PLAC1: variants seen among roughly 807,000 people sequenced by gnomAD.
The protein encoded by PLAC1 is placenta-specific protein 1.
For synonymous variants in PLAC1, 68 were observed against 62.1 expected (o/e 1.09, Z -0.44); for missense variants, 136 against 163.2 (o/e 0.83, Z 0.91).
chrX:134,569,167 C>T (rs2077892415), intron 2 of PLAC1, among the ~76,000 whole-genome samples: 1 of 111,454 alleles, frequency 9.0e-6, no homozygotes, highest in South Asian at 3.8e-4. Context: ...CCTCAAGCAT[C>T]TTTCCTGTAC....
At position 134,632,074 on chromosome X, in the gene PLAC1, T is replaced by TC. The variant is rs753518049; in HGVS notation, c.-131+26253dup. Among the ~76,000 whole-genome samples the TC allele has an allele frequency of 1.9e-4, 21 of 111,874 alleles. No homozygotes were observed. The East Asian group carries it at 5.1e-3, about 27-fold the overall frequency. On this transcript the variant is annotated intron_variant, in intron 1 of 2. Transcript: ENST00000359237. The stretch of plus-strand genomic sequence containing the variant: ...ATTTTGGACTTCTTTGTGTGACACC[T>TC]CCAGGTGGTCAGAGCTGAGTTGAGG...
chrX:134,684,411 TAAAAAAAAAA>T (rs10606569), intron 2 of PLAC1, among the ~76,000 whole-genome samples: 1 of 80,991 alleles, frequency 1.2e-5, no homozygotes, highest in Admixed American at 1.5e-4. Context: ...GCTCTGCCAC[TAAAAAAAAAA>T]AAAAAAAAAA....
At chrX:134,629,527 C>T (rs2078250538) in intron 1 of PLAC1, among the ~76,000 whole-genome samples, 2 of 111,035 alleles carry the variant, frequency 1.8e-5, no homozygotes, top group South Asian at 3.8e-4. Context: ...TCCTGAGTGC[C>T]GCTCCCATTT....
At chrX:134,717,459 C>T (rs2078646537) in intron 2 of PLAC1, among the ~76,000 whole-genome samples, 1 of 111,396 alleles carries the variant, frequency 9.0e-6, no homozygotes, top group Non-Finnish European at 1.9e-5. Context: ...AGGTTTTCAC[C>T]ATGTTGGCCA....
chrX:134,573,114 C>G (rs1156426617), intron 2 of PLAC1, among the ~76,000 whole-genome samples: 1 of 111,613 alleles, frequency 9.0e-6, no homozygotes, highest in Non-Finnish European at 1.9e-5. Context: ...CCTGACTGAA[C>G]ATAAATATTC....
intron 1 of PLAC1, among the ~76,000 whole-genome samples, chrX:134,759,857 TA>T (rs749309844): frequency 1.2e-4 from 13 of 111,631 alleles, no homozygotes; most frequent in Admixed American, 1.9e-4. Context: ...ATGTGGGAGC[TA>T]AAAAACTTGA....
intron 2 of PLAC1, among the ~76,000 whole-genome samples, chrX:134,687,609 T>C (rs998897816): frequency 9.4e-6 from 1 of 106,701 alleles, no homozygotes; most frequent in Non-Finnish European, 1.9e-5. Flanking sequence ...GTTGCTAGGG[T>C]TGATCTGGGT....
At chrX:134,626,761 TC>T (rs1273013942) in intron 1 of PLAC1, among the ~76,000 whole-genome samples, 1 of 112,428 alleles carries the variant, frequency 8.9e-6, no homozygotes, top group Non-Finnish European at 1.9e-5. Flanking sequence ...GAGTTTACCT[TC>T]CCTTCCCTTT....
intron 2 of PLAC1, among the ~76,000 whole-genome samples, chrX:134,702,923 T>C (rs1296382798): frequency 8.9e-6 from 1 of 112,177 alleles, no homozygotes; most frequent in Non-Finnish European, 1.9e-5. Flanking sequence ...ATAAATATTC[T>C]GTAAACAGAT....
At chrX:134,704,524 A>G (rs1326522200) in intron 2 of PLAC1, among the ~76,000 whole-genome samples, 1 of 106,025 alleles carries the variant, frequency 9.4e-6, no homozygotes, top group African/African-American at 3.4e-5. Context: ...CAACAACAAA[A>G]AAAAATAAAA....
At chrX:134,707,268 A>T (rs1388511776) in intron 2 of PLAC1, among the ~76,000 whole-genome samples, 1 of 112,770 alleles carries the variant, frequency 8.9e-6, no homozygotes, top group Non-Finnish European at 1.9e-5. Context: ...ACATCCTTAG[A>T]TGCAGGAACA....
At chrX:134,580,230 A>G (rs2077967576) in intron 2 of PLAC1, among the ~76,000 whole-genome samples, 1 of 112,533 alleles carries the variant, frequency 8.9e-6, no homozygotes, top group African/African-American at 3.2e-5. Flanking sequence ...AAAACCTTTC[A>G]TCATAGGCAG....
At chrX:134,743,143 T>C (rs1446249184) in intron 1 of PLAC1, among the ~76,000 whole-genome samples, 2 of 111,161 alleles carry the variant, frequency 1.8e-5, no homozygotes, top group African/African-American at 6.5e-5. Context: ...ACCTAGAAGA[T>C]GTAACAAGAA....
At chrX:134,755,045 A>C (rs1217888698) in intron 1 of PLAC1, among the ~76,000 whole-genome samples, 1 of 111,628 alleles carries the variant, frequency 9.0e-6, no homozygotes, top group Non-Finnish European at 1.9e-5. Flanking sequence ...TATCATGTAA[A>C]TTTGCAACTT....
chrX:134,582,814 A>G (rs1218593161), intron 2 of PLAC1, among the ~76,000 whole-genome samples: 1 of 111,962 alleles, frequency 8.9e-6, no homozygotes, highest in East Asian at 2.8e-4. Flanking sequence ...ACAGAAAAAA[A>G]GGTGAGAAGA....
rs148131647 is a variant in PLAC1 at position 134,663,981 on chromosome X, G to A, written n.175-61859C>T. 5.4e-3 allele frequency among the ~76,000 whole-genome samples: 608 copies of A among 111,768 alleles called. 2 individuals carry two copies. The highest frequency in any genetic ancestry group is 0.018 in the African/African-American group (569 of 30,788). On this transcript the variant is annotated intron_variant and non_coding_transcript_variant, in intron 2 of 2. Transcript: ENST00000466797. ...CTTGGGTTCAGGATATAAAGAACAA[G>A]AGACTTTGAAGTTATATGGACCTGG...
chrX:134,612,853 TTGGTCA>T lies in PLAC1; in HGVS notation c.-130-10737_-130-10732del, dbSNP rs1216032868. ...CTGAATCCAGCCTCTAAGAGCAACC[TTGGTCA>T]AGTGCATGGACCCCCAGGGGGTCCT... is the stretch of plus-strand genomic sequence containing the variant. On this transcript the variant is annotated intron_variant, in intron 1 of 2. Coordinates refer to ENST00000359237, the MANE Select transcript of PLAC1 (RefSeq NM_021796.4). Among the ~76,000 whole-genome samples the T allele has an allele frequency of 2.7e-5, 3 of 111,421 alleles. No homozygotes were observed. In the East Asian group the frequency reaches 8.5e-4, roughly 31 times the overall value.
chrX:134,575,461 A>C (rs1310154912), intron 2 of PLAC1, among the ~76,000 whole-genome samples: 49 of 109,929 alleles, frequency 4.5e-4, no homozygotes, highest in Non-Finnish European at 8.0e-4. Flanking sequence ...AAACAAACAA[A>C]AAAAAAAGAG....
rs182843980 is a variant in PLAC1 at position 134,688,170 on chromosome X, G to A, written n.174+45265C>T. ...AACCTCTGTGAAACCTGCTGTTTTCGCCAATTCAGACAGTTTATTGTAGTT... is the reference window on the plus strand; with the variant it reads ...AACCTCTGTGAAACCTGCTGTTTTCACCAATTCAGACAGTTTATTGTAGTT... On this transcript the variant is annotated intron_variant and non_coding_transcript_variant, in intron 2 of 2. Coordinates refer to the PLAC1 transcript ENST00000466797. Among the ~76,000 whole-genome samples the A allele has an allele frequency of 1.0e-3, 114 of 110,247 alleles. 1 individual carries two copies. The highest frequency in any genetic ancestry group is 3.3e-3 in the African/African-American group (101 of 30,293).
Sources: gnomAD v4.1 joint callset for allele counts (sites outside exome capture counted in the v4.1 genomes callset) on GRCh38, gnomAD v4.1.1 for gene constraint, MANE v1.5 for transcripts, NCBI Gene and HGNC (gene_info 2026-07-23, HGNC 2026-07-21) for gene names.